Variants in ANO3 observed in about 807,000 individuals in gnomAD.
ANO3 encodes anoctamin 3, also known as anoctamin-3.
ANO3 carries 99 observed loss-of-function variants against 144.8 expected under a neutral mutation model. The ratio of observed to expected loss-of-function variants is 0.68; its 90% confidence interval spans 0.58 to 0.81. The LOEUF is 0.81. ANO3 is among the 30% of genes least tolerant of loss of function. ANO3 has a pLI of 0.00. For missense variants in ANO3, 905 were observed against 1,202.2 expected (o/e 0.75, Z 3.66); for synonymous variants, 414 against 392.6 (o/e 1.05, Z -0.64).
At chr11:26,417,630 T>C (rs760999362) in intron 1 of ANO3, among the ~76,000 whole-genome samples, 4 of 151,982 alleles carry the variant, frequency 2.6e-5, no homozygotes, top group Non-Finnish European at 5.9e-5. Flanking sequence ...TTAGCTATTA[T>C]AAAGAATATT....
intron 1 of ANO3, among the ~76,000 whole-genome samples, chr11:26,227,804 T>C (rs1250837035): frequency 1.3e-5 from 2 of 152,204 alleles, no homozygotes; most frequent in African/African-American, 4.8e-5. Flanking sequence ...GTGTGACCAA[T>C]GAGTTGAAAA....
intron 4 of ANO3, among the ~76,000 whole-genome samples, chr11:26,482,446 G>T: frequency 7.0e-6 from 1 of 142,488 alleles, no homozygotes; most frequent in African/African-American, 2.5e-5. Flanking sequence ...GTGTGTGTGT[G>T]TGTGTGTGTG....
At chr11:26,580,817 A>T (rs1851109022) in intron 14 of ANO3, among the ~76,000 whole-genome samples, 1 of 152,236 alleles carries the variant, frequency 6.6e-6, no homozygotes, top group African/African-American at 2.4e-5. Context: ...AAAGATTTAT[A>T]TCTTAGTAGA....
At chr11:26,294,342 A>G (rs1332289648) in intron 1 of ANO3, among the ~76,000 whole-genome samples, 1 of 152,134 alleles carries the variant, frequency 6.6e-6, no homozygotes, top group Non-Finnish European at 1.5e-5. Flanking sequence ...ACTGCTTTCT[A>G]TATTATGATA....
intron 3 of ANO3, among the ~76,000 whole-genome samples, chr11:26,451,022 A>C (rs2134037191): frequency 6.6e-6 from 1 of 152,354 alleles, no homozygotes; most frequent in East Asian, 1.9e-4. Flanking sequence ...TTTATAAGAC[A>C]GTGCATTCCC....
rs1030920716 is a variant in ANO3, at chr11:26,538,918, T to A, written c.1032+1457T>A. 7.0e-4 allele frequency among the ~76,000 whole-genome samples: 106 copies of A among 152,002 alleles called. 1 individual carries two copies. The highest frequency in any genetic ancestry group is 8.8e-5 in the Non-Finnish European group (6 of 67,974). The stretch of plus-strand genomic sequence containing the variant: ...AAGGCTTATTAGGAGGAAAGTGGAG[T>A]CAATGGCTTTGACTCTGATTTGATT... On this transcript the variant is annotated intron_variant, in intron 10 of 26. Transcript: ENST00000256737.
At chr11:26,269,787 T>C (rs1168339040) in intron 1 of ANO3, among the ~76,000 whole-genome samples, 8 of 152,186 alleles carry the variant, frequency 5.3e-5, no homozygotes, top group Non-Finnish European at 1.2e-4. Flanking sequence ...AGTTATGAGC[T>C]AAATTGTGCC....
At chr11:26,277,734 T>C (rs10834935) in intron 1 of ANO3, among the ~76,000 whole-genome samples, 27,121 of 151,884 alleles carry the variant, frequency 0.18, 2,712 homozygotes, top group African/African-American at 0.28. Flanking sequence ...CTTGGCTTAA[T>C]ATCATCTTTC....
At chr11:26,330,999 G>A (rs986264021), upstream of ANO3, among the ~76,000 whole-genome samples, 1 of 152,148 alleles carries the variant, frequency 6.6e-6, no homozygotes, top group Non-Finnish European at 1.5e-5. Flanking sequence ...AAGAACTTAG[G>A]GCTTTGAATC....
intron 6 of ANO3, among the ~76,000 whole-genome samples, chr11:26,520,967 A>G (rs117761506): frequency 0.11 from 16,722 of 152,136 alleles, 1,282 homozygotes; most frequent in Admixed American, 0.15. Context: ...GGTGTTCTTG[A>G]GAAAAGAGTT....
chr11:26,595,647 C>T (rs1480097753), intron 14 of ANO3, among the ~76,000 whole-genome samples: 1 of 151,946 alleles, frequency 6.6e-6, no homozygotes, highest in Non-Finnish European at 1.5e-5. Flanking sequence ...GAGGAACCAT[C>T]TGTCGTCCTG....
chr11:26,453,431 T>C (rs997360948), intron 3 of ANO3, among the ~76,000 whole-genome samples: 2 of 152,114 alleles, frequency 1.3e-5, no homozygotes, highest in African/African-American at 4.8e-5. Context: ...GTTGCAATCC[T>C]AGTCTCTGAT....
chr11:26,553,232 TTTTG>T lies in ANO3; in HGVS notation c.1290-13_1290-10del, dbSNP rs758349152. ...ATGCTATGTTTTGTTTTGTTTTTGT[TTTTG>T]TTTTTTCTCAAGCCAAGAAATTTGT... is the stretch of plus-strand genomic sequence containing the variant. On this transcript the variant is annotated splice_polypyrimidine_tract_variant and intron_variant, in intron 12 of 26. Transcript: ENST00000256737. 52 of 1,352,188 alleles carry T rather than the reference TTTTG, an allele frequency of 3.8e-5. 4 individuals carry two copies. Among genetic ancestry groups the T allele is most frequent in the South Asian group, 9.9e-5 (8 of 80,712 alleles). 83.8% of individuals were successfully genotyped at this position (1,352,188 alleles called of 1,614,324 possible). A position where few individuals can be genotyped will look rare whatever the true frequency, so the allele number is the denominator to read the frequency against.
At chr11:26,612,139 A>T (rs1292592658) in intron 17 of ANO3, among the ~76,000 whole-genome samples, 1 of 151,976 alleles carries the variant, frequency 6.6e-6, no homozygotes, top group Non-Finnish European at 1.5e-5. Flanking sequence ...TACTCCTGAC[A>T]TTTAGTTAAT....
chr11:26,413,459 T>C (rs1299966112), intron 1 of ANO3, among the ~76,000 whole-genome samples: 2 of 152,076 alleles, frequency 1.3e-5, no homozygotes, highest in Non-Finnish European at 2.9e-5. Context: ...ATTGTCTAAT[T>C]TTTCAACTGC....
intron 4 of ANO3, chr11:26,474,187 A>G: frequency 3.7e-6 from 3 of 805,308 alleles, no homozygotes; most frequent in Non-Finnish European, 4.5e-6. Context: ...TTTCTTAAAC[A>G]TATGTAGAGA....
intron 1 of ANO3, among the ~76,000 whole-genome samples, chr11:26,293,939 T>C (rs1854025941): frequency 6.6e-6 from 1 of 152,148 alleles, no homozygotes; most frequent in South Asian, 2.1e-4. Flanking sequence ...TTGGGTGTTA[T>C]TTACCTAAAT....
At chr11:26,615,852 G>A (rs1389461) in intron 17 of ANO3, among the ~76,000 whole-genome samples, 3,244 of 151,910 alleles carry the variant, frequency 0.021, 112 homozygotes, top group African/African-American at 0.07. Context: ...TTTATATCAC[G>A]TCTGCATTGA....
intron 1 of ANO3, among the ~76,000 whole-genome samples, chr11:26,414,359 G>A (rs1440541585): frequency 6.6e-6 from 1 of 152,028 alleles, no homozygotes; most frequent in Non-Finnish European, 1.5e-5. Context: ...ATCAACAATA[G>A]ACTGGATAAA....
Sources: allele counts gnomAD v4.1 joint callset (sites outside exome capture counted in the v4.1 genomes callset), GRCh38; gene constraint gnomAD v4.1.1; transcripts MANE v1.5; gene names NCBI Gene and HGNC (gene_info 2026-07-23, HGNC 2026-07-21).